The following AHI1 variants were observed in gnomAD, a reference collection of about 807,000 sequenced individuals.
AHI1 encodes jouberin.
A neutral mutation model predicts 149.3 loss-of-function variants in AHI1; 123 were observed. The ratio of observed to expected loss-of-function variants is 0.82; its 90% CI spans 0.71 to 0.96. The LOEUF is 0.96. Ranked by LOEUF, AHI1 falls within the 40% of genes least tolerant of loss-of-function variation. AHI1 has a pLI of 0.00. For missense variants in AHI1, 1,439 were observed against 1,422.7 expected, an observed-to-expected ratio of 1.01 and a Z score of -0.18; for synonymous variants, 475 against 459.8, an observed-to-expected ratio of 1.03 and a Z score of -0.42.
At chr6:135,442,162 A>C (rs1340920835) in intron 14 of AHI1, among the ~76,000 whole-genome samples, 1 of 152,094 alleles carries the variant, frequency 6.6e-6, no homozygotes, top group Non-Finnish European at 1.5e-5. Context: ...GTTTTCATCT[A>C]GGTACTCTTG....
At chr6:135,434,064 T>C (rs1036691315) in intron 15 of AHI1, among the ~76,000 whole-genome samples, 1 of 152,036 alleles carries the variant, frequency 6.6e-6, no homozygotes, top group African/African-American at 2.4e-5. Flanking sequence ...AGCATTGGAT[T>C]TTTAAATATA....
chr6:135,405,859 C>CAAAAAAAAAAAAAAAAAAAAAAAAAAAAA (rs543403253), intron 21 of AHI1, among the ~76,000 whole-genome samples: 1 of 29,394 alleles, frequency 3.4e-5, no homozygotes, highest in South Asian at 1.2e-3. Context: ...GACTCCAACT[C>CAAAAAAAAAAAAAAAAAAAAAAAAAAAAA]AAAAAAAAAA....
chr6:135,495,513 A>G (rs777288287), intron 3 of AHI1: 12 of 152,202 alleles, frequency 7.9e-5, no homozygotes, highest in Admixed American at 3.9e-4. Context: ...AAGGCAAATG[A>G]TATCTTCTCT....
At chr6:135,295,379 T>G (rs1230719819) in intron 27 of AHI1, among the ~76,000 whole-genome samples, 2 of 152,216 alleles carry the variant, frequency 1.3e-5, no homozygotes, top group Non-Finnish European at 2.9e-5. Flanking sequence ...AAACCAACTA[T>G]ATAGTCCAGC....
chr6:135,404,836 G>T, intron 22 of AHI1, 115 bp downstream of exon 22: 1 of 879,556 alleles, frequency 1.1e-6, no homozygotes, highest in Non-Finnish European at 1.9e-6. Flanking sequence ...AATAATGAAA[G>T]TACACATCAG....
intron 23 of AHI1, among the ~76,000 whole-genome samples, chr6:135,373,986 TTTGA>T (rs1363806956): frequency 1.3e-5 from 2 of 151,372 alleles, no homozygotes; most frequent in Admixed American, 1.3e-4. Context: ...AGAATTATGG[TTTGA>T]TTATCTGTGC....
rs530705487 is a variant in AHI1, at chr6:135,411,097, C to G, written c.2961+251G>C. ...GTGTGGTCATCTGGTTCAGAGCCCT[C>G]CCTTATCACTAGGTGCTGGGCTAGC... On this transcript the variant is annotated intron_variant, in intron 21 of 28. Transcript: ENST00000265602. 4.0e-4 allele frequency among the ~76,000 whole-genome samples: 61 copies of G among 152,266 alleles called. No homozygotes were observed. In the South Asian group the frequency reaches 6.2e-3, roughly 16 times the overall value.
chr6:135,490,782 ACT>A (rs745954984), intron 4 of AHI1, 35 bp from the exon 5 acceptor site: 4 of 1,607,114 alleles, frequency 2.5e-6, no homozygotes, highest in Middle Eastern at 1.7e-4. Flanking sequence ...TTTGTAAATG[ACT>A]CTATCATAAC....
At chr6:135,354,867 T>C (rs1481744841) in intron 24 of AHI1, among the ~76,000 whole-genome samples, 1 of 152,114 alleles carries the variant, frequency 6.6e-6, no homozygotes, top group African/African-American at 2.4e-5. Context: ...AACCATCAAA[T>C]CTGACCTAGG....
chr6:135,474,465 T>C (rs1792263894), intron 5 of AHI1: 1 of 152,168 alleles, frequency 6.6e-6, no homozygotes, highest in Non-Finnish European at 1.5e-5. Context: ...AGATGCCCTT[T>C]ATTAGGTTGA....
rs145064445 is a variant in AHI1, at chr6:135,367,232, G to A, written c.3110-9045C>T. ...TAGGATTTCTGCTAAGAAATCTGCT[G>A]TTAATCTGACAGATTTTCCTTTATA... On this transcript the variant is annotated intron_variant, in intron 23 of 28. Transcript: ENST00000265602. Among the ~76,000 whole-genome samples, 9 of 152,258 alleles carry A rather than the reference G, an allele frequency of 5.9e-5. No homozygotes were observed. In the East Asian group the frequency reaches 1.7e-3, roughly 29 times the overall value.
At chr6:135,405,863 AAAAAAAAAAAAGAAAAAAAAAAG>A (rs1231662176) in intron 21 of AHI1, among the ~76,000 whole-genome samples, 100 of 151,094 alleles carry the variant, frequency 6.6e-4, no homozygotes, top group African/African-American at 2.3e-3. Flanking sequence ...CCAACTCAAA[AAAAAAAAAAAAGAAAAAAAAAAG>A]AAAAAGAAAA....
intron 23 of AHI1, among the ~76,000 whole-genome samples, chr6:135,364,461 G>A (rs1184243991): frequency 2.7e-5 from 4 of 149,414 alleles, no homozygotes; most frequent in Admixed American, 1.3e-4. Flanking sequence ...GCGGCCAGGC[G>A]GAGACGCTCC....
At chr6:135,486,117 A>G (rs999601963) in intron 5 of AHI1, among the ~76,000 whole-genome samples, 2 of 152,322 alleles carry the variant, frequency 1.3e-5, no homozygotes, top group South Asian at 4.1e-4. Flanking sequence ...AAAAGCTATC[A>G]TATCTTTATG....
chr6:135,321,718 A>T (rs528787841), intron 25 of AHI1, among the ~76,000 whole-genome samples: 1 of 152,342 alleles, frequency 6.6e-6, no homozygotes, highest in South Asian at 2.1e-4. Context: ...ATTATTATTT[A>T]TAATAATTAT....
chr6:135,338,386 T>C (rs1789751206), intron 24 of AHI1, among the ~76,000 whole-genome samples: 1 of 151,390 alleles, frequency 6.6e-6, no homozygotes, highest in South Asian at 2.1e-4. Context: ...TTGTGATACA[T>C]AAGGAAATGT....
intron 23 of AHI1, among the ~76,000 whole-genome samples, chr6:135,371,444 C>T (rs1340720188): frequency 3.3e-5 from 5 of 152,146 alleles, no homozygotes; most frequent in Admixed American, 1.3e-4. Context: ...TTTTCCTTTA[C>T]CTAGGAAATC....
intron 10 of AHI1, among the ~76,000 whole-genome samples, chr6:135,454,149 TA>T (rs1261425200): frequency 6.6e-6 from 1 of 151,996 alleles, no homozygotes; most frequent in Non-Finnish European, 1.5e-5. Flanking sequence ...AAACATAATA[TA>T]AAAAATATAT....
Position 135,439,207 on chromosome 6 carries a change from G to GT in AHI1, c.1913-710dup, listed in dbSNP as rs571209749. ...CCTTCTGTGGTTTCAGTTACCCGCA[G>GT]TCAACCATGGTCTGAAAATATCAAA... On this transcript the variant is annotated intron_variant, in intron 14 of 28. Transcript: ENST00000265602. 2.7e-4 allele frequency among the ~76,000 whole-genome samples: 41 copies of GT among 152,294 alleles called. 1 individual carries two copies. In the South Asian group the frequency reaches 8.3e-3, roughly 31 times the overall value.
Sources: gnomAD v4.1 joint callset for allele counts (sites outside exome capture counted in the v4.1 genomes callset) on GRCh38, gnomAD v4.1.1 for gene constraint, MANE v1.5 for transcripts, NCBI Gene and HGNC (gene_info 2026-07-23, HGNC 2026-07-21) for gene names.